Variants in C2CD3 observed in about 807,000 individuals in gnomAD.
C2CD3 encodes C2 domain containing 3 centriole elongation regulator, also known as C2 domain-containing protein 3.
C2CD3 carries 148 observed loss-of-function variants against 234.0 expected under a neutral mutation model. The ratio of observed to expected loss-of-function variants is 0.63; its 90% CI spans 0.55 to 0.72. The LOEUF is 0.72. Among genes scored for constraint, C2CD3 ranks in the 30% least tolerant of loss-of-function variants. The probability of loss-of-function intolerance (pLI) is 0.00; values close to 1 mark genes in which losing one functional copy is unlikely to be tolerated. For synonymous variants in C2CD3, 1,000 were observed against 1,035.4 expected (o/e 0.97, Z 0.66); for missense variants, 2,577 against 2,811.5 (o/e 0.92, Z 1.89).
intron 28 of C2CD3, among the ~76,000 whole-genome samples, 200 bp from the exon 29 acceptor site, chr11:74,042,418 C>T (rs879727364): frequency 6.6e-6 from 1 of 152,026 alleles, no homozygotes; most frequent in Non-Finnish European, 1.5e-5. Flanking sequence ...TGCCTACCCC[C>T]TTTTAACTCA....
At position 74,114,605 on chromosome 11, in the gene C2CD3, T is replaced by C; in HGVS notation, c.1521-12A>G. 2 of 1,581,740 alleles carry C rather than the reference T, an allele frequency of 1.3e-6. No individual in the cohort carries two copies. Among genetic ancestry groups the C allele is most frequent in the Non-Finnish European group, 1.7e-6 (2 of 1,150,394 alleles). ...GTTCAACCAAATTTCTGAAAGGAGT[T>C]CACACAAGCAGTGAGGCATACTGCT... On this transcript the variant is annotated splice_polypyrimidine_tract_variant and intron_variant, in intron 9 of 32. Coordinates refer to ENST00000334126, the MANE Select transcript of C2CD3 (RefSeq NM_001286577.2).
In C2CD3 at chr11:74,095,535, T is replaced by A. The variant is rs1956073946; in HGVS notation, c.2980-127A>T. On this transcript the variant is annotated intron_variant, in intron 16 of 32. Transcript: ENST00000334126. ...AATTAGTTGATACTAAAATAGACAC[T>A]TAATTTTCATTGTAACTCTCACAAC... 21 of 610,430 alleles carry A rather than the reference T, an allele frequency of 3.4e-5. No homozygotes were observed. The South Asian group carries it at 5.3e-4, about 15-fold the overall frequency. 37.8% of individuals were successfully genotyped at this position (610,430 alleles called of 1,614,324 possible). A position where few individuals can be genotyped will look rare whatever the true frequency, so the allele number is the denominator to read the frequency against.
chr11:74,085,981 C>A, intron 20 of C2CD3, 95 bp from the exon 21 acceptor site: 1 of 1,272,046 alleles, frequency 7.9e-7, no homozygotes, highest in South Asian at 1.5e-5. Context: ...TCTATGAGAC[C>A]ACCAAGAATA....
chr11:74,055,476 G>T (rs1041335344), intron 25 of C2CD3, among the ~76,000 whole-genome samples: 6 of 152,236 alleles, frequency 3.9e-5, no homozygotes, highest in African/African-American at 1.4e-4. Flanking sequence ...AGAAAACCAA[G>T]AGGCTTGATT....
chr11:74,089,444 G>A (rs769943505), intron 20 of C2CD3, among the ~76,000 whole-genome samples: 4 of 152,192 alleles, frequency 2.6e-5, no homozygotes, highest in African/African-American at 7.2e-5. Context: ...AAGAGTCTAC[G>A]TGGAGAATTT....
chr11:74,146,348 G>C, intron 3 of C2CD3, among the ~76,000 whole-genome samples: 1 of 152,296 alleles, frequency 6.6e-6, no homozygotes, highest in Non-Finnish European at 1.5e-5. Flanking sequence ...AAGGTGAATT[G>C]AGTGAAAATG....
chr11:74,046,001 G>A (rs1481055117), intron 28 of C2CD3, among the ~76,000 whole-genome samples: 1 of 152,086 alleles, frequency 6.6e-6, no homozygotes, highest in South Asian at 2.1e-4. Context: ...ACATAAACCC[G>A]TTTGGGTCAT....
intron 3 of C2CD3, among the ~76,000 whole-genome samples, chr11:74,150,342 G>C (rs1855515781): frequency 6.7e-6 from 1 of 150,322 alleles, no homozygotes; most frequent in Non-Finnish European, 1.5e-5. Flanking sequence ...AAAAAAATTA[G>C]CTGGATGTGG....
intron 3 of C2CD3, among the ~76,000 whole-genome samples, chr11:74,157,855 A>T (rs1490507811): frequency 1.3e-5 from 2 of 152,174 alleles, no homozygotes; most frequent in African/African-American, 4.8e-5. Flanking sequence ...TGTATTACAC[A>T]GGGTTCTGGA....
intron 3 of C2CD3, among the ~76,000 whole-genome samples, chr11:74,158,062 A>T (rs1800588135): frequency 6.6e-6 from 1 of 152,246 alleles, no homozygotes; most frequent in South Asian, 2.1e-4. Flanking sequence ...TAAATGTAAG[A>T]TCTAGGACTA....
In C2CD3 at chr11:74,057,490, G is replaced by A; in HGVS notation, c.5006C>T (p.Ala1669Val). 1.9e-6 allele frequency: 3 copies of A among 1,614,028 alleles called. No homozygotes were observed. The highest frequency in any genetic ancestry group is 2.5e-6 in the Non-Finnish European group (3 of 1,179,896). Residue 1669 changes from alanine (A) to valine (V), a missense_variant, in exon 25 of 33, where the codon GCA becomes GTA. Transcript: ENST00000334126. ...TACAGGAGATGACTCATCGGCTGTTGCAAAGGATACACAACAACTGGGTAT... is the reference window on the plus strand; with the variant it reads ...TACAGGAGATGACTCATCGGCTGTTACAAAGGATACACAACAACTGGGTAT... ...VSIPSCCVSF[A>V]TADESSPVYT...
At chr11:74,079,226 C>T (rs1000142315) in intron 22 of C2CD3, among the ~76,000 whole-genome samples, 3 of 152,192 alleles carry the variant, frequency 2.0e-5, no homozygotes, top group Non-Finnish European at 2.9e-5. Context: ...TACCAAGGAC[C>T]AGGTGCTAGA....
In C2CD3 at chr11:74,033,754, C is replaced by T; in HGVS notation, c.6406G>A (p.Ala2136Thr). 6.5e-7 allele frequency: 1 copy of T among 1,536,358 alleles called. No individual in the cohort carries two copies. Among genetic ancestry groups the T allele is most frequent in the Non-Finnish European group, 8.7e-7 (1 of 1,146,962 alleles). Residue 2136 changes from alanine (A) to threonine (T), a missense_variant, in exon 31 of 33, where the codon GCT (alanine) becomes ACT (threonine). By Grantham distance (58) the Ala-to-Thr change is moderately conservative. Coordinates refer to ENST00000334126, the MANE Select transcript of C2CD3 (RefSeq NM_001286577.2). ...KSSFLSSPER[A>T]VNPHLPRQGS... The stretch of plus-strand genomic sequence containing the variant: ...TGCCTAGGCAGGTGGGGGTTGACAG[C>T]CCTTTCTGGGCTGGAGAGAAAGCTA...
At chr11:74,146,719 C>CATACACACACAT (rs201264300) in intron 3 of C2CD3, among the ~76,000 whole-genome samples, 2 of 142,166 alleles carry the variant, frequency 1.4e-5, no homozygotes, top group South Asian at 4.3e-4. Context: ...ACCACACACA[C>CATACACACACAT]ACACACACAC....
In C2CD3 at chr11:74,106,605, A is replaced by T. The variant is rs894579281; in HGVS notation, c.1963-112T>A. ...TAAAGGAAACCATTCAGGAAGAAAA[A>T]AGCTTAATTATCTAAGACAACTCTG... On this transcript the variant is annotated intron_variant, in intron 12 of 32. Coordinates refer to ENST00000334126, the MANE Select transcript of C2CD3 (RefSeq NM_001286577.2). 4 of 1,002,354 alleles carry T rather than the reference A, an allele frequency of 4.0e-6. No homozygotes were observed. The African/African-American group carries it at 6.5e-5, about 16-fold the overall frequency. 62.1% of individuals were successfully genotyped at this position (1,002,354 alleles called of 1,614,324 possible).
chr11:74,122,777 C>A (rs1349008597), intron 8 of C2CD3, among the ~76,000 whole-genome samples: 1 of 152,234 alleles, frequency 6.6e-6, no homozygotes, highest in Non-Finnish European at 1.5e-5. Context: ...GGCTCTAATA[C>A]TTATTTGCTA....
At chr11:74,120,107 C>T (rs1209150252) in intron 8 of C2CD3, among the ~76,000 whole-genome samples, 4 of 151,422 alleles carry the variant, frequency 2.6e-5, no homozygotes, top group Admixed American at 2.0e-4. Flanking sequence ...CATTGAACAG[C>T]ATGATTGTAA....
chr11:74,071,885 T>A (rs1466879585), intron 24 of C2CD3, among the ~76,000 whole-genome samples: 1 of 152,192 alleles, frequency 6.6e-6, no homozygotes, highest in Non-Finnish European at 1.5e-5. Flanking sequence ...CAAGTGATAT[T>A]ATAAAACTGT....
chr11:74,150,528 A>AAC, intron 3 of C2CD3, among the ~76,000 whole-genome samples: 1 of 80,838 alleles, frequency 1.2e-5, no homozygotes, highest in Non-Finnish European at 2.7e-5. Context: ...AAAAAAAAAC[A>AAC]AAACAAATTT....
Sources: gnomAD v4.1 joint callset for allele counts (sites outside exome capture counted in the v4.1 genomes callset) on GRCh38, gnomAD v4.1.1 for gene constraint, MANE v1.5 for transcripts, NCBI Gene and HGNC (gene_info 2026-07-23, HGNC 2026-07-21) for gene names.